ARAP2: variants seen among roughly 807,000 people sequenced by gnomAD.
ARAP2 encodes arf-GAP with Rho-GAP domain, ANK repeat and PH domain-containing protein 2.
A neutral mutation model predicts 194.5 loss-of-function variants in ARAP2; 148 were observed. The observed-to-expected ratio is 0.76, with a 90% CI of 0.67 to 0.87. The LOEUF is 0.87. ARAP2 is among the 40% of genes least tolerant of loss of function. The pLI, the probability that ARAP2 is intolerant of heterozygous loss-of-function variation, is 0.00. For missense variants in ARAP2, 2,128 were observed against 1,989.7 expected (o/e 1.07, Z -1.32); for synonymous variants, 695 against 683.5 (o/e 1.02, Z -0.26).
chr4:36,096,795 T>C (rs1715450162), intron 27 of ARAP2, among the ~76,000 whole-genome samples: 3 of 152,146 alleles, frequency 2.0e-5, no homozygotes, highest in Non-Finnish European at 4.4e-5. Flanking sequence ...AGAGAAATAT[T>C]GTAAAGGATT....
intron 10 of ARAP2, chr4:36,005,500 G>A (rs1332596691): frequency 2.0e-5 from 3 of 152,014 alleles, no homozygotes; most frequent in African/African-American, 4.8e-5. Flanking sequence ...GCAAATTCAG[G>A]TGGCTTTATA....
chr4:36,020,886 G>T (rs1253649356), intron 5 of ARAP2, among the ~76,000 whole-genome samples: 1 of 152,090 alleles, frequency 6.6e-6, no homozygotes, highest in East Asian at 1.9e-4. Context: ...AACAAAGTTT[G>T]GAATAGTGAA....
At chr4:36,183,229 G>T (rs1400589534) in intron 8 of ARAP2, among the ~76,000 whole-genome samples, 3 of 151,936 alleles carry the variant, frequency 2.0e-5, no homozygotes, top group Non-Finnish European at 2.9e-5. Flanking sequence ...TTCAAAAGAG[G>T]TAAGAGTCTG....
chr4:36,133,638 A>G (rs762931273), intron 19 of ARAP2, among the ~76,000 whole-genome samples: 1 of 151,732 alleles, frequency 6.6e-6, no homozygotes, highest in Non-Finnish European at 1.5e-5. Flanking sequence ...CTCTTTCTGA[A>G]TAACTAAACT....
chr4:36,169,152 T>C (rs886251253), intron 9 of ARAP2, among the ~76,000 whole-genome samples: 1 of 152,142 alleles, frequency 6.6e-6, no homozygotes, highest in Non-Finnish European at 1.5e-5. Flanking sequence ...GATACAGAAA[T>C]AAACTTTAGA....
At position 36,230,942 on chromosome 4, in the gene ARAP2, G is replaced by C. The variant is rs149824869; in HGVS notation, c.-159-1297C>G. 4.1e-3 allele frequency among the ~76,000 whole-genome samples: 620 copies of C among 152,288 alleles called. 3 individuals are homozygous for C. Among genetic ancestry groups the C allele is most frequent in the African/African-American group, 0.014 (599 of 41,570 alleles). On this transcript the variant is annotated intron_variant, in intron 1 of 32. Transcript: ENST00000303965. ...TTCTTCAGGACACACTGCAGGAGCAGAGAAATAAAAATACAAAATAAATGA... is the reference window on the plus strand; with the variant it reads ...TTCTTCAGGACACACTGCAGGAGCACAGAAATAAAAATACAAAATAAATGA...
At chr4:36,055,382 T>A (rs1429315755) in intron 2 of ARAP2, among the ~76,000 whole-genome samples, 1 of 152,154 alleles carries the variant, frequency 6.6e-6, no homozygotes, top group Non-Finnish European at 1.5e-5. Flanking sequence ...TTTTGGAAAA[T>A]CATCCTCATA....
At chr4:36,183,076 C>T (rs144444798) in intron 8 of ARAP2, among the ~76,000 whole-genome samples, 1 of 152,086 alleles carries the variant, frequency 6.6e-6, no homozygotes, top group African/African-American at 2.4e-5. Flanking sequence ...TCCTAAAATA[C>T]ATTACGTCAG....
At chr4:36,151,149 T>G (rs1338139778) in intron 15 of ARAP2, 105 bp from the exon 16 acceptor site, 1 of 1,009,050 alleles carries the variant, frequency 9.9e-7, no homozygotes, top group East Asian at 2.6e-5. Context: ...GTAAATAAAT[T>G]TATTAATTTC....
At chr4:36,053,151 C>T (rs978457048) in intron 2 of ARAP2, among the ~76,000 whole-genome samples, 2 of 151,656 alleles carry the variant, frequency 1.3e-5, no homozygotes, top group South Asian at 2.1e-4. Flanking sequence ...GGGTTACAGG[C>T]GCCTGCCACC....
intron 31 of ARAP2, among the ~76,000 whole-genome samples, chr4:36,078,870 T>G (rs1728838209): frequency 6.6e-6 from 1 of 152,006 alleles, no homozygotes; most frequent in African/African-American, 2.4e-5. Context: ...TCTTTTGTTT[T>G]TCCTAAAGTA....
At chr4:36,155,654 T>A (rs532380728) in intron 15 of ARAP2, among the ~76,000 whole-genome samples, 15 of 151,588 alleles carry the variant, frequency 9.9e-5, no homozygotes, top group African/African-American at 3.1e-4. Flanking sequence ...TTTATTTATT[T>A]TTTTTTTTAT....
intron 19 of ARAP2, among the ~76,000 whole-genome samples, chr4:36,139,754 C>T (rs893715315): frequency 6.6e-6 from 1 of 151,512 alleles, no homozygotes; most frequent in African/African-American, 2.4e-5. Context: ...TATCATTGAT[C>T]AAATATTTCC....
At chr4:36,171,076 C>T (rs895580404) in intron 9 of ARAP2, among the ~76,000 whole-genome samples, 4 of 152,272 alleles carry the variant, frequency 2.6e-5, no homozygotes, top group South Asian at 4.1e-4. Flanking sequence ...GTTTATTATT[C>T]AGGTATTCCT....
chr4:36,166,009 T>G (rs1380345157), intron 10 of ARAP2, among the ~76,000 whole-genome samples: 1 of 152,188 alleles, frequency 6.6e-6, no homozygotes, highest in Non-Finnish European at 1.5e-5. Flanking sequence ...CTGGTTCTAC[T>G]AGAAATTTGT....
At chr4:36,045,802 G>T (rs563315179) in intron 5 of ARAP2, among the ~76,000 whole-genome samples, 2 of 151,954 alleles carry the variant, frequency 1.3e-5, no homozygotes, top group Non-Finnish European at 2.9e-5. Context: ...ACATCACATT[G>T]TACCCCAAAA....
intron 6 of ARAP2, among the ~76,000 whole-genome samples, chr4:36,201,791 G>A (rs993150614): frequency 6.6e-6 from 1 of 151,738 alleles, no homozygotes; most frequent in Non-Finnish European, 1.5e-5. Flanking sequence ...AGTGCCAGCA[G>A]AGTTTTTTTT....
At chr4:36,177,745 T>C in intron 9 of ARAP2, 82 bp downstream of exon 9, 1 of 1,353,520 alleles carries the variant, frequency 7.4e-7, no homozygotes, top group Non-Finnish European at 9.9e-7. Context: ...ATAAGTAAAA[T>C]CACTAATAAT....
chr4:36,036,852 C>A (rs937663194), intron 5 of ARAP2, among the ~76,000 whole-genome samples: 3 of 152,094 alleles, frequency 2.0e-5, no homozygotes, highest in African/African-American at 7.2e-5. Context: ...TAAATACTTA[C>A]ATTTTATATA....
Sources: gnomAD v4.1 joint callset for allele counts (sites outside exome capture counted in the v4.1 genomes callset) on GRCh38, gnomAD v4.1.1 for gene constraint, MANE v1.5 for transcripts, NCBI Gene and HGNC (gene_info 2026-07-23, HGNC 2026-07-21) for gene names.